Variants in ABCD2 observed in about 807,000 individuals in gnomAD.
The protein encoded by ABCD2 is ATP-binding cassette sub-family D member 2.
In ABCD2, 36 loss-of-function variants were observed where a neutral mutation model predicts 70.9. The ratio of observed to expected loss-of-function variants is 0.51; its 90% CI spans 0.39 to 0.67. The LOEUF is 0.67. Ranked by LOEUF, ABCD2 falls within the 30% of genes least tolerant of loss-of-function variation. The pLI, the probability that ABCD2 is intolerant of heterozygous loss-of-function variation, is 0.00. For synonymous variants in ABCD2, 304 were observed against 306.9 expected (o/e 0.99, Z 0.10); for missense variants, 729 against 890.2 (o/e 0.82, Z 2.30).
chr12:39,578,677 T>C (rs933643443), intron 8 of ABCD2, among the ~76,000 whole-genome samples: 1 of 151,324 alleles, frequency 6.6e-6, no homozygotes, highest in African/African-American at 2.4e-5. Flanking sequence ...TGGTTACAAT[T>C]AAAAATGTTT....
At position 39,619,303 on chromosome 12, in the gene ABCD2, C is replaced by T; in HGVS notation, c.313G>A (p.Gly105Arg). 1 of 1,614,102 alleles carries T rather than the reference C, an allele frequency of 6.2e-7. No individual in the cohort carries two copies. The highest frequency in any genetic ancestry group is 8.5e-7 in the Non-Finnish European group (1 of 1,180,044). Residue 105 changes from glycine to arginine, a missense_variant, in exon 1 of 10, where the codon GGG becomes AGG. Transcript: ENST00000308666. The part of the protein sequence containing the change: ...LFPKLVTTET[G>R]WLCLHSVALI... The stretch of plus-strand genomic sequence containing the variant: ...GCCACTGAGTGCAGGCAGAGCCACC[C>T]TGTTTCAGTGGTCACAAGTTTTGGA...
At chr12:39,534,760 G>GAGAAAGAGAGAGAAAGAA in the ABCD2 span, among the ~76,000 whole-genome samples, 39 of 113,178 alleles carry the variant, frequency 3.4e-4, no homozygotes, top group Non-Finnish European at 2.4e-4. Flanking sequence ...AAGAAAGAAA[G>GAGAAAGAGAGAGAAAGAA]AGAAAGAAAG....
chr12:39,603,845 A>G (rs1455918982), intron 5 of ABCD2, 67 bp downstream of exon 5: 3 of 1,201,522 alleles, frequency 2.5e-6, no homozygotes, highest in African/African-American at 1.5e-5. Flanking sequence ...CATAAGGTAC[A>G]TGAATTCTGA....
Position 39,608,322 on chromosome 12 carries a change from A to G in ABCD2, c.1121-608T>C, listed in dbSNP as rs1339235262. On this transcript the variant is annotated intron_variant, in intron 2 of 9. Coordinates refer to ENST00000308666, the MANE Select transcript of ABCD2 (RefSeq NM_005164.4). ...GGGACAAATAAATCAAAAGGAACTA[A>G]AACTATTTTCATTTAGCATTCTTTC... 3.3e-5 allele frequency among the ~76,000 whole-genome samples: 5 copies of G among 152,202 alleles called. No individual in the cohort carries two copies. The South Asian group carries it at 6.2e-4, about 19-fold the overall frequency.
intron 7 of ABCD2, among the ~76,000 whole-genome samples, chr12:39,581,189 A>G (rs898795445): frequency 2.0e-5 from 3 of 152,198 alleles, no homozygotes; most frequent in African/African-American, 7.2e-5. Flanking sequence ...GGCAACAGGA[A>G]TTGGAAGAAT....
chr12:39,605,143 T>C (rs1941952874), intron 3 of ABCD2, among the ~76,000 whole-genome samples: 1 of 152,082 alleles, frequency 6.6e-6, no homozygotes, highest in Admixed American at 6.6e-5. Flanking sequence ...TAAAACATAA[T>C]ATACAGATTT....
chr12:39,544,907 G>A, the ABCD2 span, among the ~76,000 whole-genome samples: 1 of 152,126 alleles, frequency 6.6e-6, no homozygotes, highest in Admixed American at 6.5e-5. Flanking sequence ...CCTACTGTAA[G>A]GTAAATAACG....
chr12:39,541,091 CCAAA>C, the ABCD2 span, among the ~76,000 whole-genome samples: 7 of 151,742 alleles, frequency 4.6e-5, no homozygotes, highest in Admixed American at 4.6e-4. Context: ...AAATCTAGAG[CCAAA>C]CAAACAAATC....
intron 7 of ABCD2, among the ~76,000 whole-genome samples, chr12:39,583,619 G>A (rs938414508): frequency 1.1e-4 from 17 of 152,072 alleles, no homozygotes; most frequent in African/African-American, 3.6e-4. Context: ...TCATCATCCA[G>A]GTATTAAGCC....
At chr12:39,607,536 G>A in intron 3 of ABCD2, 63 bp downstream of exon 3, 3 of 1,330,044 alleles carry the variant, frequency 2.3e-6, no homozygotes, top group Non-Finnish European at 3.2e-6. Flanking sequence ...CTTGGTAATT[G>A]ACATTTTGCT....
intron 2 of ABCD2, among the ~76,000 whole-genome samples, chr12:39,610,754 A>G (rs1942034104): frequency 6.6e-6 from 1 of 152,166 alleles, no homozygotes; most frequent in Non-Finnish European, 1.5e-5. Flanking sequence ...GTTTTTAGCA[A>G]TAAAATAATA....
At chr12:39,612,760 G>A (rs898453663) in intron 2 of ABCD2, among the ~76,000 whole-genome samples, 12 of 152,104 alleles carry the variant, frequency 7.9e-5, no homozygotes, top group Non-Finnish European at 1.6e-4. Flanking sequence ...ACATTTCAAC[G>A]ATTTGGCATT....
rs554985705 is a variant in ABCD2 at position 39,607,799 on chromosome 12, T to C, written c.1121-85A>G. On this transcript the variant is annotated intron_variant, in intron 2 of 9. Coordinates refer to ENST00000308666, the MANE Select transcript of ABCD2 (RefSeq NM_005164.4). ...AATGTTTTATATTATACAAACTAAA[T>C]TGTGGCTAAAACAACCACATATTAA... 3,763 of 886,886 alleles carry C rather than the reference T, an allele frequency of 4.2e-3. 22 individuals carry two copies. The highest frequency in any genetic ancestry group is 4.7e-3 in the Non-Finnish European group (2,660 of 571,872). 54.9% of individuals were successfully genotyped at this position (886,886 alleles called of 1,614,324 possible).
At chr12:39,541,308 TA>T in the ABCD2 span, among the ~76,000 whole-genome samples, 1 of 152,172 alleles carries the variant, frequency 6.6e-6, no homozygotes, top group African/African-American at 2.4e-5. Flanking sequence ...AAAGAGAGTT[TA>T]AGAAAGCGTC....
chr12:39,590,558 GT>G (rs909825365), intron 6 of ABCD2, among the ~76,000 whole-genome samples: 2 of 151,820 alleles, frequency 1.3e-5, no homozygotes, highest in African/African-American at 2.4e-5. Context: ...TATAATAATT[GT>G]TTTTTCTTGG....
Position 39,618,947 on chromosome 12 carries a change from G to A in ABCD2, c.669C>T (p.His223=), listed in dbSNP as rs750250943. 8 of 1,614,264 alleles carry A rather than the reference G, an allele frequency of 5.0e-6. No individual in the cohort carries two copies. The highest frequency in any genetic ancestry group is 8.5e-7 in the Non-Finnish European group (1 of 1,180,048). ...TAGGTTTGGTCAGATTGGAATACAA[G>A]TGAGCCACAGATTGGGAGAACATCA... ...DIMMFSQSVA[H]LYSNLTKPIL... Residue 223 remains histidine (H), a synonymous_variant, in exon 1 of 10, where the codon CAC becomes CAT. Coordinates refer to ENST00000308666, the MANE Select transcript of ABCD2 (RefSeq NM_005164.4).
chr12:39,614,333 G>A (rs952462313), intron 2 of ABCD2, among the ~76,000 whole-genome samples: 2 of 152,104 alleles, frequency 1.3e-5, no homozygotes, highest in African/African-American at 2.4e-5. Flanking sequence ...ATGTAACTTC[G>A]TAAAAATTTT....
At chr12:39,596,232 C>A (rs1241382472) in intron 6 of ABCD2, among the ~76,000 whole-genome samples, 3 of 152,284 alleles carry the variant, frequency 2.0e-5, no homozygotes, top group South Asian at 2.1e-4. Context: ...GAATTACTTT[C>A]AAAACTCAGG....
intron 2 of ABCD2, among the ~76,000 whole-genome samples, chr12:39,616,592 A>T (rs1196951700): frequency 6.6e-6 from 1 of 152,200 alleles, no homozygotes; most frequent in Non-Finnish European, 1.5e-5. Flanking sequence ...TTTATAGACT[A>T]AATGTATGGG....
Sources: allele counts gnomAD v4.1 joint callset (sites outside exome capture counted in the v4.1 genomes callset), GRCh38; gene constraint gnomAD v4.1.1; transcripts MANE v1.5; gene names NCBI Gene and HGNC (gene_info 2026-07-23, HGNC 2026-07-21).